The following APBB1IP variants were observed in gnomAD, a reference collection of about 807,000 sequenced individuals.
APBB1IP encodes the protein amyloid beta precursor protein binding family B member 1 interacting protein.
APBB1IP carries 27 observed loss-of-function variants against 64.9 expected under a neutral mutation model. That is an observed-to-expected ratio of 0.42 (90% CI 0.31 to 0.57). APBB1IP has a LOEUF of 0.57. Among genes scored for constraint, APBB1IP ranks in the 20% least tolerant of loss-of-function variants. APBB1IP has a pLI of 0.20. For missense variants in APBB1IP, 812 were observed against 845.5 expected, an observed-to-expected ratio of 0.96 and a Z score of 0.49; for synonymous variants, 392 against 331.0, an observed-to-expected ratio of 1.18 and a Z score of -2.00.
At chr10:26,509,933 G>A (rs548592689) in intron 6 of APBB1IP, among the ~76,000 whole-genome samples, 4 of 152,022 alleles carry the variant, frequency 2.6e-5, no homozygotes, top group Non-Finnish European at 5.9e-5. Context: ...TGAAAATCAC[G>A]GTCTCTCTAA....
chr10:26,521,597 C>A (rs536683235), intron 8 of APBB1IP, among the ~76,000 whole-genome samples: 4 of 152,198 alleles, frequency 2.6e-5, no homozygotes, highest in African/African-American at 7.2e-5. Context: ...CCCACATAGC[C>A]CCTATAGCCA....
In APBB1IP at chr10:26,475,571, T is replaced by G. The variant is rs565491095; in HGVS notation, c.1-16756T>G. Among the ~76,000 whole-genome samples the G allele has an allele frequency of 7.9e-5, 12 of 152,246 alleles. No homozygotes were observed. In the East Asian group the frequency reaches 2.3e-3, roughly 29 times the overall value. On this transcript the variant is annotated intron_variant, in intron 2 of 14. Transcript: ENST00000376236. ...TATTTTCTGGAGCAGACAGGAACAGTGTAATGAAAGAGATCAGACTTGCGT... is the reference window on the plus strand; with the variant it reads ...TATTTTCTGGAGCAGACAGGAACAGGGTAATGAAAGAGATCAGACTTGCGT...
Position 26,560,853 on chromosome 10 carries a change from T to C in APBB1IP, c.1369+9T>C. On this transcript the variant is annotated intron_variant, in intron 13 of 14. Coordinates refer to ENST00000376236, the MANE Select transcript of APBB1IP (RefSeq NM_019043.4). ...AGCTCAGCCATCTACAGGTACTAAG[T>C]GGAGGAGAAATTCCAACACATATTC... The C allele has an allele frequency of 6.4e-7, 1 of 1,572,726 alleles. No individual in the cohort carries two copies. The highest frequency in any genetic ancestry group is 1.1e-5 in the South Asian group (1 of 87,322).
intron 2 of APBB1IP, among the ~76,000 whole-genome samples, chr10:26,472,346 C>T (rs1267825012): frequency 6.6e-6 from 1 of 152,080 alleles, no homozygotes; most frequent in Non-Finnish European, 1.5e-5. Flanking sequence ...GGAATAATGC[C>T]CAATAATAGA....
At chr10:26,490,903 C>T (rs192836455) in intron 2 of APBB1IP, among the ~76,000 whole-genome samples, 1 of 152,210 alleles carries the variant, frequency 6.6e-6, no homozygotes, top group East Asian at 1.9e-4. Flanking sequence ...TTAAATAATA[C>T]ATACTGATTC....
chr10:26,466,566 C>T (rs748972584), intron 2 of APBB1IP, among the ~76,000 whole-genome samples: 5 of 152,104 alleles, frequency 3.3e-5, no homozygotes, highest in African/African-American at 9.7e-5. Context: ...TTTGGGTGGC[C>T]GAGGTGGGAA....
chr10:26,478,051 C>T (rs1588577652), intron 2 of APBB1IP, among the ~76,000 whole-genome samples: 1 of 152,148 alleles, frequency 6.6e-6, no homozygotes, highest in Non-Finnish European at 1.5e-5. Context: ...CAGTCAAATC[C>T]CTGCCCTCAC....
At chr10:26,441,606 G>A (rs1835338853) in intron 2 of APBB1IP, among the ~76,000 whole-genome samples, 1 of 152,100 alleles carries the variant, frequency 6.6e-6, no homozygotes, top group African/African-American at 2.4e-5. Flanking sequence ...GTGGTACCAT[G>A]GAAATATCAC....
At chr10:26,551,966 G>C (rs1353687816) in intron 11 of APBB1IP, among the ~76,000 whole-genome samples, 2 of 147,422 alleles carry the variant, frequency 1.4e-5, no homozygotes, top group Non-Finnish European at 3.0e-5. Flanking sequence ...TGGATGGATG[G>C]AATACAGATC....
In APBB1IP at chr10:26,539,404, C is replaced by A. The variant is rs1185707034; in HGVS notation, c.1045-2178C>A. Among the ~76,000 whole-genome samples the A allele has an allele frequency of 5.9e-5, 5 of 85,266 alleles. No homozygotes were observed. The East Asian group carries it at 1.0e-3, about 18-fold the overall frequency. 55.9% of individuals were successfully genotyped at this position (85,266 alleles called of 152,430 possible). A position where few individuals can be genotyped will look rare whatever the true frequency, so the allele number is the denominator to read the frequency against. On this transcript the variant is annotated intron_variant, in intron 10 of 14. Transcript: ENST00000376236. Reference sequence around the variant, plus strand: ...TCCAGCTGAAGTGACAATATGAGATCCTGAAAAAAAAAAAAAGAAGGAAAG... The same window carrying A: ...TCCAGCTGAAGTGACAATATGAGATACTGAAAAAAAAAAAAAGAAGGAAAG...
At chr10:26,495,045 G>C (rs1328357619) in intron 3 of APBB1IP, among the ~76,000 whole-genome samples, 9 of 146,710 alleles carry the variant, frequency 6.1e-5, no homozygotes, top group Admixed American at 5.5e-4. Context: ...GTCTCACTCT[G>C]TCACCAGGCT....
At chr10:26,505,996 C>T (rs1836170956) in intron 6 of APBB1IP, among the ~76,000 whole-genome samples, 1 of 152,118 alleles carries the variant, frequency 6.6e-6, no homozygotes, top group Admixed American at 6.5e-5. Context: ...TCATTCACCC[C>T]ATTCTAGCTG....
intron 11 of APBB1IP, among the ~76,000 whole-genome samples, chr10:26,553,136 C>T (rs563959746): frequency 6.6e-6 from 1 of 152,230 alleles, no homozygotes; most frequent in East Asian, 2.0e-4. Flanking sequence ...ATTCTCCTGC[C>T]TCAGCCTCCT....
At position 26,446,729 on chromosome 10, in the gene APBB1IP, C is replaced by G. The variant is rs984903401; in HGVS notation, c.-1+7876C>G. ...AAATAGGATAAGATATGGTCCCCTG[C>G]CCAGCATGGTGGGTCACACCTATAG... On this transcript the variant is annotated intron_variant, in intron 2 of 14. Coordinates refer to ENST00000376236, the MANE Select transcript of APBB1IP (RefSeq NM_019043.4). Among the ~76,000 whole-genome samples, 3 of 152,134 alleles carry G rather than the reference C, an allele frequency of 2.0e-5. No homozygotes were observed. In the East Asian group the frequency reaches 5.8e-4, roughly 29 times the overall value.
At chr10:26,561,064 C>CTTTTTTTTTTTTTTTTTTTTTTTTTTT (rs764573338) in intron 13 of APBB1IP, among the ~76,000 whole-genome samples, 12 of 69,208 alleles carry the variant, frequency 1.7e-4, no homozygotes, top group Admixed American at 2.3e-4. Flanking sequence ...TTCTTTCTTT[C>CTTTTTTTTTTTTTTTTTTTTTTTTTTT]TTTTTTTTTT....
chr10:26,470,259 G>T (rs1425167826), intron 2 of APBB1IP, among the ~76,000 whole-genome samples: 2 of 152,210 alleles, frequency 1.3e-5, no homozygotes, highest in African/African-American at 2.4e-5. Context: ...GGCTCGGACT[G>T]GGCACAGTGT....
intron 2 of APBB1IP, among the ~76,000 whole-genome samples, chr10:26,479,547 A>C (rs74128330): frequency 0.012 from 1,775 of 152,310 alleles, 41 homozygotes; most frequent in African/African-American, 0.04. Flanking sequence ...ACTGCCTAAA[A>C]TGAAACTCTT....
chr10:26,465,176 T>C (rs749551830), intron 2 of APBB1IP, among the ~76,000 whole-genome samples: 18 of 152,208 alleles, frequency 1.2e-4, no homozygotes, highest in Non-Finnish European at 2.6e-4. Context: ...ATTTTCCATA[T>C]ATGAAAAAAC....
intron 2 of APBB1IP, among the ~76,000 whole-genome samples, chr10:26,482,719 A>G (rs1835849305): frequency 6.6e-6 from 1 of 152,176 alleles, no homozygotes; most frequent in African/African-American, 2.4e-5. Flanking sequence ...TGATACTTGG[A>G]GAGCCTCAGA....
Sources: gnomAD v4.1 joint callset for allele counts (sites outside exome capture counted in the v4.1 genomes callset) on GRCh38, gnomAD v4.1.1 for gene constraint, MANE v1.5 for transcripts, NCBI Gene and HGNC (gene_info 2026-07-23, HGNC 2026-07-21) for gene names.